The following ETV1 variants were observed in gnomAD, a reference collection of about 807,000 sequenced individuals.
The protein encoded by ETV1 is ETS variant transcription factor 1, also known as ETS translocation variant 1.
Under a neutral mutation model 62.3 loss-of-function variants are expected in ETV1, and 27 were observed. The ratio of observed to expected loss-of-function variants is 0.43; its 90% confidence interval spans 0.32 to 0.60. ETV1 has a LOEUF of 0.60. Ranked by LOEUF, ETV1 falls within the 20% of genes least tolerant of loss-of-function variation. ETV1 has a pLI of 0.06. For missense variants in ETV1, 605 were observed against 605.8 expected, an observed-to-expected ratio of 1.00 and a Z score of 0.01; for synonymous variants, 222 against 199.6, an observed-to-expected ratio of 1.11 and a Z score of -0.94.
At chr7:13,965,774 A>G (rs1790712298) in intron 6 of ETV1, among the ~76,000 whole-genome samples, 3 of 152,224 alleles carry the variant, frequency 2.0e-5, no homozygotes, top group Admixed American at 1.3e-4. Context: ...CTAATGTTAC[A>G]TAAATGCAAA....
At chr7:13,913,745 GTATC>G (rs1783812365) in intron 9 of ETV1, among the ~76,000 whole-genome samples, 1 of 151,824 alleles carries the variant, frequency 6.6e-6, no homozygotes, top group Admixed American at 6.6e-5. Flanking sequence ...GATTATTAGT[GTATC>G]TATTTTGGAA....
rs1398402566 is a variant in ETV1, at chr7:13,892,845, C to T, written c.*3021G>A. The stretch of plus-strand genomic sequence containing the variant: ...AAGCTGGAAGAATCTCCCCTGGAGC[C>T]TCCAGAAGGAACCAGACCTAAGGAC... On this transcript the variant is annotated 3_prime_UTR_variant, in exon 14 of 14. Coordinates refer to ENST00000430479, the MANE Select transcript of ETV1 (RefSeq NM_004956.5). 3 of 232,276 alleles carry T rather than the reference C, an allele frequency of 1.3e-5. No homozygotes were observed. In the East Asian group the frequency reaches 1.8e-4, roughly 14 times the overall value. 14.4% of individuals were successfully genotyped at this position (232,276 alleles called of 1,614,324 possible). A position where few individuals can be genotyped will look rare whatever the true frequency, so the allele number is the denominator to read the frequency against.
intron 6 of ETV1, among the ~76,000 whole-genome samples, chr7:13,956,157 A>G (rs1041839611): frequency 6.6e-6 from 1 of 152,232 alleles, no homozygotes; most frequent in Non-Finnish European, 1.5e-5. Context: ...TATAAAATCA[A>G]GTATTATACA....
rs1781626257 is a variant in ETV1, at chr7:13,894,801, A to C, written c.*1065T>G. ...TAATATTTATATATGTTATCAACAT[A>C]ACACAGCAGTAAAAGGTTTAAATGC... On this transcript the variant is annotated 3_prime_UTR_variant, in exon 14 of 14. Transcript: ENST00000430479. 1 of 232,828 alleles carries C rather than the reference A, an allele frequency of 4.3e-6. No individual in the cohort carries two copies. Among genetic ancestry groups the C allele is most frequent in the Non-Finnish European group, 8.5e-6 (1 of 117,554 alleles). The allele number at this position is 232,828 out of a possible 1,614,324, so 14.4% of individuals were successfully genotyped here.
intron 9 of ETV1, among the ~76,000 whole-genome samples, chr7:13,923,258 A>G (rs1442508545): frequency 1.3e-5 from 2 of 152,216 alleles, no homozygotes; most frequent in South Asian, 2.1e-4. Flanking sequence ...AAACCATATT[A>G]TAAACTCTGC....
At chr7:13,916,363 C>A (rs1018926928) in intron 9 of ETV1, among the ~76,000 whole-genome samples, 1 of 152,132 alleles carries the variant, frequency 6.6e-6, no homozygotes, top group Non-Finnish European at 1.5e-5. Flanking sequence ...AGAGGTCAGA[C>A]GTGGTGGCTC....
At chr7:13,939,396 CAGA>C (rs1348894173) in intron 6 of ETV1, 150 bp from the exon 7 acceptor site, 8 of 626,710 alleles carry the variant, frequency 1.3e-5, no homozygotes, top group African/African-American at 7.5e-5. Flanking sequence ...ATTTCAGTAG[CAGA>C]AGATTTCAGA....
intron 9 of ETV1, among the ~76,000 whole-genome samples, chr7:13,925,539 C>G (rs532287160): frequency 6.6e-6 from 1 of 151,768 alleles, no homozygotes; most frequent in East Asian, 1.9e-4. Flanking sequence ...AGTTTGGACA[C>G]TTCTCTTCTT....
chr7:13,931,826 T>C, intron 8 of ETV1, 77 bp from the exon 9 acceptor site: 5 of 1,548,618 alleles, frequency 3.2e-6, no homozygotes, highest in Non-Finnish European at 4.4e-6. Flanking sequence ...GGTTTTCCAT[T>C]TCTTAGTGAA....
intron 5 of ETV1, among the ~76,000 whole-genome samples, chr7:13,983,498 G>A (rs1007511629): frequency 6.6e-6 from 1 of 151,786 alleles, no homozygotes; most frequent in Non-Finnish European, 1.5e-5. Flanking sequence ...TCAAATAATT[G>A]CAATTGCCTT....
At position 13,935,906 on chromosome 7, in the gene ETV1, G is replaced by A. The variant is rs1158149963; in HGVS notation, c.366-10C>T. The A allele has an allele frequency of 1.3e-6, 2 of 1,589,926 alleles. No homozygotes were observed. Among genetic ancestry groups the A allele is most frequent in the Non-Finnish European group, 1.7e-6 (2 of 1,165,760 alleles). ...CTTCTGATCATAGGCACTACCCAGGGGACAAAAGAAGAGAGAACATTTCTT... is the reference window on the plus strand; with the variant it reads ...CTTCTGATCATAGGCACTACCCAGGAGACAAAAGAAGAGAGAACATTTCTT... On this transcript the variant is annotated splice_polypyrimidine_tract_variant and intron_variant, in intron 7 of 13. Transcript: ENST00000430479.
At chr7:13,988,605 A>AAC in intron 3 of ETV1, 1 of 1,233,986 alleles carries the variant, frequency 8.1e-7, no homozygotes, top group African/African-American at 2.3e-5. Context: ...GAAAAAAAAA[A>AAC]AAAAGAGAAA....
At chr7:13,922,499 C>A (rs1396151337) in intron 9 of ETV1, among the ~76,000 whole-genome samples, 1 of 152,158 alleles carries the variant, frequency 6.6e-6, no homozygotes, top group African/African-American at 2.4e-5. Context: ...GTAATCCCAA[C>A]TACAGTGAGG....
At chr7:13,958,726 AC>A (rs1411878301) in intron 6 of ETV1, 1 of 152,192 alleles carries the variant, frequency 6.6e-6, no homozygotes, top group Non-Finnish European at 1.5e-5. Context: ...GTGACACAGG[AC>A]AATCCACCTA....
chr7:13,963,653 A>G (rs1790447537), intron 6 of ETV1, among the ~76,000 whole-genome samples: 1 of 152,110 alleles, frequency 6.6e-6, no homozygotes, highest in Non-Finnish European at 1.5e-5. Flanking sequence ...GTTATATTTT[A>G]CATAAAATTC....
chr7:13,982,613 C>T (rs1219288991), intron 5 of ETV1, among the ~76,000 whole-genome samples: 1 of 151,862 alleles, frequency 6.6e-6, no homozygotes, highest in Non-Finnish European at 1.5e-5. Flanking sequence ...GGGGTGATAG[C>T]CCATCCTCTC....
intron 3 of ETV1, chr7:13,988,502 C>A: frequency 1.4e-6 from 1 of 707,652 alleles, no homozygotes; most frequent in Non-Finnish European, 2.3e-6. Context: ...TGGTTCAATG[C>A]TAGATTAAAA....
chr7:13,900,481 C>A (rs1237489010), intron 13 of ETV1: 1 of 358,092 alleles, frequency 2.8e-6, no homozygotes, highest in Non-Finnish European at 5.0e-6. Flanking sequence ...CTAAAACAAT[C>A]TTTTTTAACC....
intron 13 of ETV1, among the ~76,000 whole-genome samples, chr7:13,898,837 T>C (rs1175017153): frequency 2.6e-5 from 4 of 152,176 alleles, no homozygotes; most frequent in African/African-American, 9.6e-5. Flanking sequence ...ATGGTACATA[T>C]CCGAGAATGT....
Sources: allele counts gnomAD v4.1 joint callset (sites outside exome capture counted in the v4.1 genomes callset), GRCh38; gene constraint gnomAD v4.1.1; transcripts MANE v1.5; gene names NCBI Gene and HGNC (gene_info 2026-07-23, HGNC 2026-07-21).